The following ZNF583 variants were observed in gnomAD, a reference collection of about 807,000 sequenced individuals.
ZNF583 encodes zinc finger protein L3-5.
Under a neutral mutation model 55.3 loss-of-function variants are expected in ZNF583, and 30 were observed. That is an observed-to-expected ratio of 0.54 (90% CI 0.41 to 0.74). The LOEUF (loss-of-function observed/expected upper bound fraction) is 0.74, where lower values mean the gene tolerates loss of function less well. Ranked by LOEUF, ZNF583 falls within the 30% of genes least tolerant of loss-of-function variation. ZNF583 has a pLI of 0.00. For synonymous variants in ZNF583, 208 were observed against 220.0 expected (o/e 0.95, Z 0.48); for missense variants, 504 against 664.7 (o/e 0.76, Z 2.66).
chr19:56,424,004 C>A lies in ZNF583; in HGVS notation c.1346C>A (p.Ser449Ter). Residue 449 changes from serine (S) to a stop codon, truncating the protein, a stop_gained, in exon 5 of 5, where the codon TCA becomes TAA. Transcript: ENST00000333201. LOFTEE classifies it high-confidence loss of function. ...TGTGGGAAGGCCTTTAGCAATAGTT[C>A]ATCACTTGCACAACATCAGAGAAGT... is the stretch of plus-strand genomic sequence containing the variant. ...IECGKAFSNS[S>*]SLAQHQRSHT... is the part of the protein sequence containing the mutation. The A allele has an allele frequency of 6.2e-7, 1 of 1,614,010 alleles. No individual in the cohort carries two copies. The highest frequency in any genetic ancestry group is 1.1e-5 in the South Asian group (1 of 91,076).
chr19:56,416,106 T>C (rs958111966), intron 4 of ZNF583, among the ~76,000 whole-genome samples: 17 of 151,572 alleles, frequency 1.1e-4, no homozygotes, highest in African/African-American at 3.9e-4. Flanking sequence ...GGTGGGTGGA[T>C]CATGAAGTCA....
intron 4 of ZNF583, chr19:56,421,578 T>C: frequency 4.6e-6 from 4 of 866,068 alleles, no homozygotes; most frequent in Non-Finnish European, 5.5e-6. Context: ...CACTGTAATA[T>C]TTAAGTTTAG....
chr19:56,417,689 T>TA (rs2042349596), intron 4 of ZNF583, among the ~76,000 whole-genome samples: 1 of 152,218 alleles, frequency 6.6e-6, no homozygotes, highest in African/African-American at 2.4e-5. Context: ...TATTAATTTG[T>TA]CTTGGTTGGT....
intron 4 of ZNF583, among the ~76,000 whole-genome samples, chr19:56,419,531 T>G (rs1229744350): frequency 6.6e-6 from 1 of 152,206 alleles, no homozygotes; most frequent in Admixed American, 6.5e-5. Flanking sequence ...TATCTGGTTT[T>G]GGTATCAAGA....
chr19:56,414,353 G>A lies in ZNF583; in HGVS notation c.145G>A (p.Val49Ile), dbSNP rs1056676910. Residue 49 changes from valine to isoleucine, a missense_variant, in exon 4 of 5, where the codon GTT (valine) becomes ATT (isoleucine). By Grantham distance (29) the Val-to-Ile change is conservative (BLOSUM62 3). This residue lies in a region of ZNF583 where 204 missense variants were observed against 235.2 expected (regional missense o/e 0.87). Transcript: ENST00000333201. ...TTGTTTTTTGTAAGCAGGAGTTTCT[G>A]TTTCTAAGCCAGATGTGATCTCATT... The part of the protein sequence containing the change: ...YRSLVSLGVS[V>I]SKPDVISLLE... 29 of 1,613,952 alleles carry A rather than the reference G, an allele frequency of 1.8e-5. No individual in the cohort carries two copies. Among genetic ancestry groups the A allele is most frequent in the Non-Finnish European group, 2.5e-5 (29 of 1,180,002 alleles).
chr19:56,417,465 A>T (rs2042345882), intron 4 of ZNF583, among the ~76,000 whole-genome samples: 1 of 152,240 alleles, frequency 6.6e-6, no homozygotes, highest in Admixed American at 6.5e-5. Context: ...GGCCATGCAT[A>T]TAACTTTTAT....
Position 56,424,730 on chromosome 19 carries a change from T to C in ZNF583, c.*362T>C. On this transcript the variant is annotated 3_prime_UTR_variant, in exon 5 of 5. Transcript: ENST00000333201. ...AATACTTATCCAGGATTAAGATACA[T>C]ATTCCAGGATCAAAAAGACCTGGGT... 5.8e-6 allele frequency: 1 copy of C among 171,980 alleles called. No individual in the cohort carries two copies. Among genetic ancestry groups the C allele is most frequent in the Non-Finnish European group, 1.2e-5 (1 of 80,110 alleles). 10.7% of individuals were successfully genotyped at this position (171,980 alleles called of 1,614,324 possible). A position where few individuals can be genotyped will look rare whatever the true frequency, so the allele number is the denominator to read the frequency against.
intron 2 of ZNF583, among the ~76,000 whole-genome samples, chr19:56,412,294 A>G (rs80126931): frequency 0.027 from 4,151 of 152,348 alleles, 191 homozygotes; most frequent in African/African-American, 0.094. Context: ...ATGCCTAACC[A>G]TACAACAAGC....
At chr19:56,419,966 T>C (rs1300664285) in intron 4 of ZNF583, among the ~76,000 whole-genome samples, 6 of 152,210 alleles carry the variant, frequency 3.9e-5, no homozygotes, top group African/African-American at 1.4e-4. Flanking sequence ...AACTTTTTCT[T>C]CTACTTTCCT....
At chr19:56,414,265 T>C in intron 3 of ZNF583, 80 bp from the exon 4 acceptor site, 1 of 1,526,326 alleles carries the variant, frequency 6.6e-7, no homozygotes, top group African/African-American at 1.4e-5. Flanking sequence ...CCTCCCATTA[T>C]TCTCCCACCT....
intron 2 of ZNF583, among the ~76,000 whole-genome samples, chr19:56,413,583 C>G (rs539726666): frequency 6.6e-6 from 1 of 152,150 alleles, no homozygotes; most frequent in African/African-American, 2.4e-5. Context: ...GTTTCCTCCT[C>G]GAAGCTCTTT....
At chr19:56,420,939 TA>T (rs2042404201) in intron 4 of ZNF583, among the ~76,000 whole-genome samples, 1 of 152,218 alleles carries the variant, frequency 6.6e-6, no homozygotes, top group South Asian at 2.1e-4. Flanking sequence ...TATTTCTCAT[TA>T]AAAAATATTT....
rs1050112670 is a variant in ZNF583 at position 56,426,353 on chromosome 19, T to A, written c.*1985T>A. On this transcript the variant is annotated 3_prime_UTR_variant, in exon 5 of 5. Transcript: ENST00000333201. Reference sequence around the variant, plus strand: ...GTGATTAGAGGAGTCTGTGACACACTCTAATCATGGAATGAGACTGGCCTT... The same window carrying A: ...GTGATTAGAGGAGTCTGTGACACACACTAATCATGGAATGAGACTGGCCTT... The A allele has an allele frequency of 6.6e-6, 1 of 152,136 alleles. No individual in the cohort carries two copies. Among genetic ancestry groups the A allele is most frequent in the Non-Finnish European group, 1.5e-5 (1 of 68,032 alleles). 9.4% of individuals were successfully genotyped at this position (152,136 alleles called of 1,614,324 possible).
intron 4 of ZNF583, among the ~76,000 whole-genome samples, chr19:56,416,260 G>A (rs2042320363): frequency 6.6e-6 from 1 of 151,094 alleles, no homozygotes; most frequent in African/African-American, 2.4e-5. Flanking sequence ...AGGAGGTGGA[G>A]GTTGCAGTGA....
chr19:56,404,837 G>C lies in ZNF583; in HGVS notation c.-90+385G>C, dbSNP rs1231987085. On this transcript the variant is annotated intron_variant, in intron 1 of 4. Transcript: ENST00000333201. This position sits in a 1 kb window ranked among gnomAD's most constrained non-coding sequence, Gnocchi z 5.2. ...TGACACTGTATGTGCTTAAGACCACGTCACCATGTGTGAGACTGGGAATGT... is the reference window on the plus strand; with the variant it reads ...TGACACTGTATGTGCTTAAGACCACCTCACCATGTGTGAGACTGGGAATGT... Among the ~76,000 whole-genome samples, 2 of 152,222 alleles carry C rather than the reference G, an allele frequency of 1.3e-5. No homozygotes were observed. Among genetic ancestry groups the C allele is most frequent in the Non-Finnish European group, 2.9e-5 (2 of 68,042 alleles).
chr19:56,409,289 T>C (rs1198350030), intron 2 of ZNF583, among the ~76,000 whole-genome samples: 2 of 152,220 alleles, frequency 1.3e-5, no homozygotes, highest in East Asian at 1.9e-4. Flanking sequence ...GAATTCCTTA[T>C]CTGTGAGTGA....
intron 4 of ZNF583, among the ~76,000 whole-genome samples, chr19:56,419,992 C>T (rs1208464803): frequency 2.0e-5 from 3 of 151,948 alleles, no homozygotes; most frequent in Non-Finnish European, 4.4e-5. Flanking sequence ...TTACTTTGGT[C>T]TTTTCCTCAC....
intron 2 of ZNF583, among the ~76,000 whole-genome samples, chr19:56,412,190 A>C (rs2042248575): frequency 6.6e-6 from 1 of 152,202 alleles, no homozygotes; most frequent in South Asian, 2.1e-4. Flanking sequence ...AGTATTTAAG[A>C]AATCAGTATG....
At chr19:56,412,124 G>A (rs1382111539) in intron 2 of ZNF583, among the ~76,000 whole-genome samples, 1 of 152,140 alleles carries the variant, frequency 6.6e-6, no homozygotes, top group Non-Finnish European at 1.5e-5. Flanking sequence ...AATCTGGTGT[G>A]GTCACTAGCA....
Sources: gnomAD v4.1 joint callset for allele counts (sites outside exome capture counted in the v4.1 genomes callset) on GRCh38, gnomAD v4.1.1 for gene constraint, gnomAD v4.1.1 regional missense constraint, Gnocchi (gnomAD v3.1) non-coding constraint, MANE v1.5 for transcripts, NCBI Gene and HGNC (gene_info 2026-07-23, HGNC 2026-07-21) for gene names.